LRP5: variants seen among roughly 807,000 people sequenced by gnomAD.
The protein encoded by LRP5 is LDL receptor related protein 5.
A neutral mutation model predicts 154.1 loss-of-function variants in LRP5; 62 were observed. The observed-to-expected ratio is 0.40, with a 90% CI of 0.33 to 0.50. The LOEUF is 0.50. Among genes scored for constraint, LRP5 ranks in the 20% least tolerant of loss-of-function variants. The probability of loss-of-function intolerance (pLI) is 0.55; values close to 1 mark genes in which losing one functional copy is unlikely to be tolerated. For synonymous variants in LRP5, 966 were observed against 1,011.5 expected (o/e 0.96, Z 0.85); for missense variants, 1,915 against 2,336.7 (o/e 0.82, Z 3.72).
chr11:68,397,206 G>A (rs1347847387), intron 7 of LRP5, among the ~76,000 whole-genome samples: 1 of 152,174 alleles, frequency 6.6e-6, no homozygotes, highest in Non-Finnish European at 1.5e-5. Flanking sequence ...GGGAAGGCCT[G>A]GCTGGGAGCG....
At chr11:68,359,479 A>G (rs964470396) in intron 3 of LRP5, among the ~76,000 whole-genome samples, 1 of 152,132 alleles carries the variant, frequency 6.6e-6, no homozygotes, top group African/African-American at 2.4e-5. Flanking sequence ...AGAGGATAGA[A>G]AGGCTGCAGC....
intron 5 of LRP5, among the ~76,000 whole-genome samples, chr11:68,384,235 C>T (rs2153151571): frequency 6.6e-6 from 1 of 152,344 alleles, no homozygotes; most frequent in South Asian, 2.1e-4. Flanking sequence ...CTGCATTCCT[C>T]CTGGCGAGAG....
chr11:68,375,635 C>G (rs1368636975), intron 5 of LRP5, among the ~76,000 whole-genome samples: 1 of 152,218 alleles, frequency 6.6e-6, no homozygotes, highest in Non-Finnish European at 1.5e-5. Flanking sequence ...TCCCACGGGA[C>G]CAACATCGGG....
intron 4 of LRP5, among the ~76,000 whole-genome samples, chr11:68,364,532 C>T (rs1422373426): frequency 1.3e-5 from 2 of 151,982 alleles, no homozygotes; most frequent in African/African-American, 4.8e-5. Flanking sequence ...CTGCAAGTCG[C>T]GTATTTATCA....
At chr11:68,409,249 TATA>T (rs2098657979) in intron 9 of LRP5, among the ~76,000 whole-genome samples, 1 of 140,540 alleles carries the variant, frequency 7.1e-6, no homozygotes, top group Non-Finnish European at 1.5e-5. Context: ...TTATATAATA[TATA>T]ATAAAATATA....
At chr11:68,428,053 C>T (rs1018718089) in intron 16 of LRP5, among the ~76,000 whole-genome samples, 4 of 151,012 alleles carry the variant, frequency 2.6e-5, no homozygotes, top group South Asian at 2.1e-4. Context: ...AGTGCAGTGG[C>T]GCGATCTCGG....
At chr11:68,402,299 T>G (rs2098653050) in intron 7 of LRP5, among the ~76,000 whole-genome samples, 1 of 152,204 alleles carries the variant, frequency 6.6e-6, no homozygotes, top group Non-Finnish European at 1.5e-5. Context: ...CACGCGGCTG[T>G]ATGCTTCCGT....
chr11:68,423,775 C>A lies in LRP5; in HGVS notation c.3236+78C>A. ...TGTCTTCTGCCGAATGCCAGCCTCTCACAGGCTGGGGAGACTTTCCACCCT... is the reference window on the plus strand; with the variant it reads ...TGTCTTCTGCCGAATGCCAGCCTCTAACAGGCTGGGGAGACTTTCCACCCT... On this transcript the variant is annotated intron_variant, in intron 14 of 22. Coordinates refer to ENST00000294304, the MANE Select transcript of LRP5 (RefSeq NM_002335.4). This position sits in a 1 kb window ranked among gnomAD's most constrained non-coding sequence, Gnocchi z 4.7. 7.1e-7 allele frequency: 1 copy of A among 1,414,350 alleles called. No individual in the cohort carries two copies. 87.6% of individuals were successfully genotyped at this position (1,414,350 alleles called of 1,614,324 possible). A position where few individuals can be genotyped will look rare whatever the true frequency, so the allele number is the denominator to read the frequency against.
At chr11:68,319,403 G>T (rs999440919) in intron 1 of LRP5, among the ~76,000 whole-genome samples, 4 of 152,182 alleles carry the variant, frequency 2.6e-5, no homozygotes, top group Non-Finnish European at 5.9e-5. Flanking sequence ...TCGTTGAGAT[G>T]GGTGTCTTGC....
At chr11:68,371,707 C>T (rs368735199) in intron 5 of LRP5, among the ~76,000 whole-genome samples, 2 of 152,260 alleles carry the variant, frequency 1.3e-5, no homozygotes, top group Non-Finnish European at 2.9e-5. Flanking sequence ...TGGAGCTGCT[C>T]ACCCAGGGGC....
At chr11:68,298,798 C>G in the LRP5 span, among the ~76,000 whole-genome samples, 1 of 151,992 alleles carries the variant, frequency 6.6e-6, no homozygotes, top group Non-Finnish European at 1.5e-5. Context: ...CCCTGAGACC[C>G]ACACCCTCCT....
intron 17 of LRP5, among the ~76,000 whole-genome samples, chr11:68,431,248 T>C (rs7111090): frequency 0.081 from 11,807 of 146,408 alleles, 627 homozygotes; most frequent in Middle Eastern, 0.14. Flanking sequence ...TTTTTTTTTT[T>C]TTTTTTTTGA....
In LRP5 at chr11:68,347,854, G is replaced by C; in HGVS notation, c.99G>C (p.Pro33=). Residue 33 remains proline (P), a synonymous_variant, in exon 2 of 23, where the codon CCG becomes CCC. Coordinates refer to ENST00000294304, the MANE Select transcript of LRP5 (RefSeq NM_002335.4). ...TTTGCTTCTGCCCCACAGCCTCGCCGCTCCTGCTATTTGCCAACCGCCGGG... is the reference window on the plus strand; with the variant it reads ...TTTGCTTCTGCCCCACAGCCTCGCCCCTCCTGCTATTTGCCAACCGCCGGG... ...CGCPAPAAAS[P]LLLFANRRDV... 1 of 1,613,288 alleles carries C rather than the reference G, an allele frequency of 6.2e-7. No individual in the cohort carries two copies. Among genetic ancestry groups the C allele is most frequent in the Non-Finnish European group, 8.5e-7 (1 of 1,179,988 alleles).
chr11:68,303,015 G>A, the LRP5 span, among the ~76,000 whole-genome samples: 1 of 152,198 alleles, frequency 6.6e-6, no homozygotes, highest in African/African-American at 2.4e-5. Flanking sequence ...GTTCCTCCTT[G>A]AGGAGCGGAG....
intron 1 of LRP5, among the ~76,000 whole-genome samples, chr11:68,329,047 TACCACC>T (rs1565320470): frequency 6.6e-6 from 1 of 152,202 alleles, no homozygotes; most frequent in Non-Finnish European, 1.5e-5. Flanking sequence ...GCTTCAGAAG[TACCACC>T]TTAGTTGGAT....
At chr11:68,383,211 C>T (rs1432593075) in intron 5 of LRP5, among the ~76,000 whole-genome samples, 1 of 152,094 alleles carries the variant, frequency 6.6e-6, no homozygotes, top group Non-Finnish European at 1.5e-5. Flanking sequence ...ACAGAGGGAA[C>T]GGGCTGGCAA....
intron 6 of LRP5, among the ~76,000 whole-genome samples, chr11:68,387,241 A>G (rs2098643582): frequency 6.6e-6 from 1 of 151,466 alleles, no homozygotes; most frequent in Non-Finnish European, 1.5e-5. Context: ...CAGCCTCCTG[A>G]GTAGCTGGGA....
chr11:68,424,167 AG>A (rs1172293557), intron 14 of LRP5, among the ~76,000 whole-genome samples: 1 of 152,188 alleles, frequency 6.6e-6, no homozygotes, highest in African/African-American at 2.4e-5. Context: ...GAGAAAAGCC[AG>A]GGAAAGAGGG....
intron 1 of LRP5, among the ~76,000 whole-genome samples, chr11:68,319,277 A>G (rs1333412033): frequency 3.9e-5 from 6 of 152,060 alleles, no homozygotes; most frequent in Non-Finnish European, 8.8e-5. Context: ...CACGTTGGCC[A>G]GGCTGGTCTC....
Sources: allele counts gnomAD v4.1 joint callset (sites outside exome capture counted in the v4.1 genomes callset), GRCh38; gene constraint gnomAD v4.1.1; non-coding constraint Gnocchi (gnomAD v3.1); transcripts MANE v1.5; gene names NCBI Gene and HGNC (gene_info 2026-07-23, HGNC 2026-07-21).